Variants in TPPP observed in about 807,000 individuals in gnomAD.
TPPP encodes tubulin polymerization-promoting protein.
In TPPP, 6 loss-of-function variants were observed where a neutral mutation model predicts 15.5. The observed-to-expected ratio is 0.39, with a 90% CI of 0.21 to 0.77. TPPP has a LOEUF of 0.77. Among genes scored for constraint, TPPP ranks in the 30% least tolerant of loss-of-function variants. The pLI, the probability that TPPP is intolerant of heterozygous loss-of-function variation, is 0.42. For missense variants in TPPP, 269 were observed against 307.2 expected (o/e 0.88, Z 0.93); for synonymous variants, 146 against 133.9 (o/e 1.09, Z -0.63).
intron 2 of TPPP, among the ~76,000 whole-genome samples, chr5:676,984 G>A (rs114036480): frequency 1.8e-5 from 2 of 112,544 alleles, no homozygotes; most frequent in Non-Finnish European, 4.3e-5. Flanking sequence ...CACACACGAC[G>A]CAGAAACGCG....
At chr5:688,823 C>T (rs1367647009) in intron 1 of TPPP, among the ~76,000 whole-genome samples, 1 of 121,506 alleles carries the variant, frequency 8.2e-6, no homozygotes, top group African/African-American at 2.7e-5. Context: ...AAGCGGGGGC[C>T]GGTGTGCGCA....
In TPPP at chr5:665,120, C is replaced by T. The variant is rs1248189898; in HGVS notation, c.642G>A (p.Lys214=). The T allele has an allele frequency of 6.2e-7, 1 of 1,611,612 alleles. No individual in the cohort carries two copies. Among genetic ancestry groups the T allele is most frequent in the South Asian group, 1.1e-5 (1 of 91,070 alleles). Residue 214 remains lysine, a synonymous_variant, in exon 4 of 4, where the codon AAG becomes AAA. Coordinates refer to ENST00000360578, the MANE Select transcript of TPPP (RefSeq NM_007030.3). ...GCGGGGGCTACTTGCCCCCTTGCAC[C>T]TTCTGGTCGTAGGTGCCTGCGTGCT... ...GYKHAGTYDQ[K]VQGGK
chr5:680,089 G>C (rs1740579663), intron 1 of TPPP, among the ~76,000 whole-genome samples: 2 of 113,900 alleles, frequency 1.8e-5, no homozygotes, highest in Non-Finnish European at 3.6e-5. Context: ...AAGAGAATGT[G>C]CGTGAGCAGA....
At chr5:688,863 C>T (rs1439105426) in intron 1 of TPPP, among the ~76,000 whole-genome samples, 2 of 121,284 alleles carry the variant, frequency 1.6e-5, no homozygotes, top group Admixed American at 8.1e-5. Flanking sequence ...GATGCAGCCA[C>T]GGTGGCCAGG....
In TPPP at chr5:668,118, C is replaced by G. The variant is rs561001035; in HGVS notation, c.312-1995G>C. ...GCCCCATCAGGGAAGTACCGACAAG[C>G]ACACGGAGAGGGGTCCGCGTGGGCC... On this transcript the variant is annotated intron_variant, in intron 2 of 3. Transcript: ENST00000360578. Among the ~76,000 whole-genome samples, 60 of 119,358 alleles carry G rather than the reference C, an allele frequency of 5.0e-4. 9 individuals carry two copies. Among genetic ancestry groups the G allele is most frequent in the African/African-American group, 2.0e-3 (54 of 26,448 alleles). The allele number at this position is 119,358 out of a possible 152,430, so 78.3% of individuals were successfully genotyped here.
chr5:697,811 G>A (rs1741041743), upstream of TPPP, among the ~76,000 whole-genome samples: 1 of 149,168 alleles, frequency 6.7e-6, no homozygotes, highest in Non-Finnish European at 1.5e-5. Context: ...TCGAAGAGGG[G>A]GGATATCTCT....
rs1481898612 is a variant in TPPP at position 661,787 on chromosome 5, C to A, written c.*3315G>T. On this transcript the variant is annotated 3_prime_UTR_variant, in exon 4 of 4. Transcript: ENST00000360578. ...CCTCGTGACTTTATTTTTGCTACCCCTCCTGGCTAGGTGACAGAGATGGGA... is the reference window on the plus strand; with the variant it reads ...CCTCGTGACTTTATTTTTGCTACCCATCCTGGCTAGGTGACAGAGATGGGA... 6.6e-6 allele frequency: 1 copy of A among 152,412 alleles called. No homozygotes were observed. Among genetic ancestry groups the A allele is most frequent in the Non-Finnish European group, 1.5e-5 (1 of 68,062 alleles). The allele number at this position is 152,412 out of a possible 1,614,324, so 9.4% of individuals were successfully genotyped here.
At chr5:673,648 G>C (rs1740299502) in intron 2 of TPPP, among the ~76,000 whole-genome samples, 1 of 152,196 alleles carries the variant, frequency 6.6e-6, no homozygotes, top group South Asian at 2.1e-4. Context: ...ACAGCTGTCT[G>C]CTCCCCCAGA....
At chr5:684,269 G>A (rs370098979) in intron 1 of TPPP, among the ~76,000 whole-genome samples, 25 of 152,346 alleles carry the variant, frequency 1.6e-4, no homozygotes, top group African/African-American at 3.1e-4. Flanking sequence ...GGGGGAAGCA[G>A]CCCCCCAGTA....
chr5:692,482 C>T, intron 1 of TPPP: 1 of 877,144 alleles, frequency 1.1e-6, no homozygotes, highest in Non-Finnish European at 1.4e-6. Context: ...CCCCCAAACC[C>T]CCATCAAGAC....
At chr5:665,458 C>A in intron 3 of TPPP, 162 bp from the exon 4 acceptor site, 1 of 700,990 alleles carries the variant, frequency 1.4e-6, no homozygotes, top group Non-Finnish European at 2.3e-6. Flanking sequence ...TTTACCTCTC[C>A]TGACCCTGGG....
At position 670,841 on chromosome 5, in the gene TPPP, A is replaced by G. The variant is rs80352420; in HGVS notation, c.312-4718T>C. On this transcript the variant is annotated intron_variant, in intron 2 of 3. Coordinates refer to ENST00000360578, the MANE Select transcript of TPPP (RefSeq NM_007030.3). ...TCCAGGCCCTGCCTATTCTCCCCTCATAAGTGACTCCACCAGCAGCTGAGC... is the reference window on the plus strand; with the variant it reads ...TCCAGGCCCTGCCTATTCTCCCCTCGTAAGTGACTCCACCAGCAGCTGAGC... Among the ~76,000 whole-genome samples the G allele has an allele frequency of 2.0e-4, 30 of 152,278 alleles. No individual in the cohort carries two copies. The East Asian group carries it at 3.5e-3, about 18-fold the overall frequency.
In TPPP at chr5:683,887, AGGCT is replaced by A. The variant is rs543355149; in HGVS notation, c.-4-5827_-4-5824del. Among the ~76,000 whole-genome samples, 121 of 152,358 alleles carry A rather than the reference AGGCT, an allele frequency of 7.9e-4. 2 individuals carry two copies. In the Middle Eastern group the frequency reaches 0.024, roughly 30 times the overall value. ...CCCCTGCGGATACCCCGGCCTCCAC[AGGCT>A]CAGCTGGGTGTGCTGCCGCTGGGCT... On this transcript the variant is annotated intron_variant, in intron 1 of 3. Coordinates refer to ENST00000360578, the MANE Select transcript of TPPP (RefSeq NM_007030.3).
At chr5:672,946 C>G (rs1041489455) in intron 2 of TPPP, among the ~76,000 whole-genome samples, 1 of 152,224 alleles carries the variant, frequency 6.6e-6, no homozygotes, top group Non-Finnish European at 1.5e-5. Context: ...AACAAAGGCT[C>G]GCAGATACCC....
At chr5:671,021 C>T (rs1233454936) in intron 2 of TPPP, among the ~76,000 whole-genome samples, 7 of 151,982 alleles carry the variant, frequency 4.6e-5, no homozygotes, top group African/African-American at 1.7e-4. Flanking sequence ...GGGCTGAGGG[C>T]CAGGGCCCTC....
At chr5:672,558 GC>G (rs1248758776) in intron 2 of TPPP, among the ~76,000 whole-genome samples, 1 of 152,264 alleles carries the variant, frequency 6.6e-6, no homozygotes, top group Admixed American at 6.5e-5. Flanking sequence ...GGGCCAGTGA[GC>G]AAGGCTGGCA....
chr5:672,547 G>T (rs573871204), intron 2 of TPPP, among the ~76,000 whole-genome samples: 1 of 152,362 alleles, frequency 6.6e-6, no homozygotes, highest in South Asian at 2.1e-4. Context: ...GGACCCATAG[G>T]GGGCCAGTGA....
chr5:679,475 T>C (rs11134171), intron 1 of TPPP, among the ~76,000 whole-genome samples: 12,341 of 140,536 alleles, frequency 0.088, 1,107 homozygotes, highest in African/African-American at 0.19. Flanking sequence ...GGTGTCGAGC[T>C]GGGAACAGTT....
At chr5:667,249 A>G (rs935423939) in intron 2 of TPPP, 4 of 152,226 alleles carry the variant, frequency 2.6e-5, no homozygotes, top group Non-Finnish European at 4.4e-5. Flanking sequence ...CCCGCAGCCC[A>G]GGGGGAGTCT....
Sources: allele counts gnomAD v4.1 joint callset (sites outside exome capture counted in the v4.1 genomes callset), GRCh38; gene constraint gnomAD v4.1.1; transcripts MANE v1.5; gene names NCBI Gene and HGNC (gene_info 2026-07-23, HGNC 2026-07-21).